Variants in DCLK1 observed in about 807,000 individuals in gnomAD.
DCLK1 encodes doublecortin like kinase 1.
DCLK1 carries 16 observed loss-of-function variants against 86.2 expected under a neutral mutation model. The observed-to-expected ratio is 0.19, with a 90% CI of 0.13 to 0.28. The LOEUF (loss-of-function observed/expected upper bound fraction) is 0.28, where lower values mean the gene tolerates loss of function less well. DCLK1 is among the 10% of genes least tolerant of loss of function. The pLI, the probability that DCLK1 is intolerant of heterozygous loss-of-function variation, is 1.00. For missense variants in DCLK1, 590 were observed against 940.2 expected (o/e 0.63, Z 4.87); for synonymous variants, 369 against 370.5 (o/e 1.00, Z 0.05).
chr13:36,032,132 T>C (rs946914033), intron 3 of DCLK1, among the ~76,000 whole-genome samples: 3 of 151,774 alleles, frequency 2.0e-5, no homozygotes, highest in Non-Finnish European at 4.4e-5. Flanking sequence ...CTTTTTCTTT[T>C]CTTTTTTTTT....
chr13:35,923,740 C>T lies in DCLK1; in HGVS notation c.823+23618G>A, dbSNP rs188477655. On this transcript the variant is annotated intron_variant, in intron 4 of 16. Transcript: ENST00000360631. ...CAGTTCCTGTATTACTAAGCATTAA[C>T]GTGTTAGACATAAGCCACACACCTG... Among the ~76,000 whole-genome samples, 6 of 152,138 alleles carry T rather than the reference C, an allele frequency of 3.9e-5. No homozygotes were observed. The East Asian group carries it at 5.8e-4, about 15-fold the overall frequency.
intron 1 of DCLK1, among the ~76,000 whole-genome samples, chr13:36,127,201 TC>T (rs934685981): frequency 1.2e-4 from 19 of 152,208 alleles, no homozygotes; most frequent in African/African-American, 4.3e-4. Flanking sequence ...AAGAAGATTT[TC>T]CAACATATTC....
intron 1 of DCLK1, among the ~76,000 whole-genome samples, chr13:36,130,356 A>T (rs1025832309): frequency 6.6e-6 from 1 of 152,148 alleles, no homozygotes; most frequent in Non-Finnish European, 1.5e-5. Context: ...GCAGAGAGGG[A>T]GCCGGTTTGA....
In DCLK1 at chr13:36,024,884, G is replaced by A. The variant is rs1230248804; in HGVS notation, c.724-77427C>T. On this transcript the variant is annotated intron_variant, in intron 3 of 16. Transcript: ENST00000360631. The stretch of plus-strand genomic sequence containing the variant: ...ACAGTATGATACAGACATAAGGACA[G>A]ACATAAAGATCAATGGAATAAAATT... Among the ~76,000 whole-genome samples, 3 of 151,234 alleles carry A rather than the reference G, an allele frequency of 2.0e-5. No individual in the cohort carries two copies. The East Asian group carries it at 5.8e-4, about 29-fold the overall frequency.
chr13:36,102,292 G>C (rs1353853450), intron 3 of DCLK1, among the ~76,000 whole-genome samples: 1 of 151,182 alleles, frequency 6.6e-6, no homozygotes, highest in South Asian at 2.1e-4. Context: ...TATCTGCCAA[G>C]GCAACTTTGG....
At chr13:36,078,611 A>G (rs755926803) in intron 3 of DCLK1, among the ~76,000 whole-genome samples, 1 of 152,240 alleles carries the variant, frequency 6.6e-6, no homozygotes, top group African/African-American at 2.4e-5. Flanking sequence ...GGGATGAGCT[A>G]TCTCCAAATG....
At chr13:35,848,262 T>C (rs1870358192) in intron 6 of DCLK1, 2 of 984,906 alleles carry the variant, frequency 2.0e-6, no homozygotes, top group African/African-American at 3.5e-5. Flanking sequence ...TAAGTGCCTA[T>C]AAATCACCAA....
chr13:35,798,684 G>T (rs936913774), intron 15 of DCLK1, among the ~76,000 whole-genome samples: 2 of 152,154 alleles, frequency 1.3e-5, no homozygotes, highest in Non-Finnish European at 2.9e-5. Flanking sequence ...AGGATAAAAT[G>T]CCCATATGGA....
At chr13:35,923,313 A>C (rs1357367927) in intron 4 of DCLK1, among the ~76,000 whole-genome samples, 1 of 151,806 alleles carries the variant, frequency 6.6e-6, no homozygotes, top group Non-Finnish European at 1.5e-5. Flanking sequence ...TTTGGTTTGG[A>C]GGAGAGCTTG....
intron 3 of DCLK1, among the ~76,000 whole-genome samples, chr13:36,068,190 T>G (rs1451837132): frequency 6.6e-6 from 1 of 152,244 alleles, no homozygotes; most frequent in Non-Finnish European, 1.5e-5. Flanking sequence ...TGTAAAGTCA[T>G]TCTGTTCCTA....
chr13:36,124,933 C>A (rs75313341), intron 2 of DCLK1, among the ~76,000 whole-genome samples: 2,551 of 152,160 alleles, frequency 0.017, 67 homozygotes, highest in African/African-American at 0.059. Context: ...TTTTAATTGG[C>A]GATGATTTCT....
At chr13:35,884,298 T>A (rs1382589936) in intron 4 of DCLK1, among the ~76,000 whole-genome samples, 1 of 152,216 alleles carries the variant, frequency 6.6e-6, no homozygotes, top group Non-Finnish European at 1.5e-5. Flanking sequence ...CTTCAGTTTT[T>A]ATCCCAACTC....
At chr13:36,116,174 T>C (rs2138198664) in intron 2 of DCLK1, among the ~76,000 whole-genome samples, 1 of 152,000 alleles carries the variant, frequency 6.6e-6, no homozygotes, top group African/African-American at 2.4e-5. Context: ...GGCCTCAAAC[T>C]CCTGCCCTCA....
rs1367982779 is a variant in DCLK1, at chr13:35,958,140, A to AT, written c.724-10684_724-10683insA. On this transcript the variant is annotated intron_variant, in intron 3 of 16. Coordinates refer to ENST00000360631, the MANE Select transcript of DCLK1 (RefSeq NM_001330071.2). Reference sequence around the variant, plus strand: ...CACCACCACTACCACTACTATAACCACCACCACCACCACTATAACCATCAC... The same window carrying AT: ...CACCACCACTACCACTACTATAACCATCCACCACCACCACTATAACCATCAC... Among the ~76,000 whole-genome samples, 18 of 146,058 alleles carry AT rather than the reference A, an allele frequency of 1.2e-4. No homozygotes were observed. In the East Asian group the frequency reaches 2.9e-3, roughly 23 times the overall value.
intron 3 of DCLK1, among the ~76,000 whole-genome samples, chr13:35,976,525 G>GTTTTTTTTTTAT (rs1879342908): frequency 1.8e-5 from 1 of 56,350 alleles, no homozygotes; most frequent in Non-Finnish European, 3.3e-5. Flanking sequence ...CTTCTCCGAG[G>GTTTTTTTTTTAT]TTTTTTTTTT....
chr13:36,090,655 G>A (rs1884785855), intron 3 of DCLK1, among the ~76,000 whole-genome samples: 1 of 152,274 alleles, frequency 6.6e-6, no homozygotes, highest in Non-Finnish European at 1.5e-5. Context: ...CAGGCCCACC[G>A]TGAGAGCTTG....
chr13:35,918,244 A>G (rs1437375056), intron 4 of DCLK1, among the ~76,000 whole-genome samples: 3 of 152,228 alleles, frequency 2.0e-5, no homozygotes, highest in Non-Finnish European at 4.4e-5. Flanking sequence ...TCCCGATACA[A>G]TATGTTCTAT....
Position 36,045,377 on chromosome 13 carries a change from T to TATATCTATATATAC in DCLK1, c.723+66491_723+66492insGTATATATAGATAT, listed in dbSNP as rs568110221. Among the ~76,000 whole-genome samples the TATATCTATATATAC allele has an allele frequency of 2.5e-3, 312 of 125,008 alleles. 11 individuals are homozygous for TATATCTATATATAC. Among genetic ancestry groups the TATATCTATATATAC allele is most frequent in the East Asian group, 0.018 (67 of 3,782 alleles). The allele number at this position is 125,008 out of a possible 152,430, so 82.0% of individuals were successfully genotyped here. A position where few individuals can be genotyped will look rare whatever the true frequency, so the allele number is the denominator to read the frequency against. On this transcript the variant is annotated intron_variant, in intron 3 of 16. Coordinates refer to ENST00000360631, the MANE Select transcript of DCLK1 (RefSeq NM_001330071.2). ...ATATATATATATATATATATATATATTTCAAGGTAAATTGCTAACATCAGT... is the reference window on the plus strand; with the variant it reads ...ATATATATATATATATATATATATATATATCTATATATACTTCAAGGTAAATTGCTAACATCAGT...
intron 15 of DCLK1, among the ~76,000 whole-genome samples, chr13:35,799,707 T>C (rs1484229122): frequency 6.6e-6 from 1 of 152,182 alleles, no homozygotes; most frequent in Non-Finnish European, 1.5e-5. Context: ...ATATTTAAAA[T>C]ATCACAATGA....
Sources: allele counts gnomAD v4.1 joint callset (sites outside exome capture counted in the v4.1 genomes callset), GRCh38; gene constraint gnomAD v4.1.1; transcripts MANE v1.5; gene names NCBI Gene and HGNC (gene_info 2026-07-23, HGNC 2026-07-21).